The following C3 variants were observed in gnomAD, a reference collection of about 807,000 sequenced individuals.
C3 encodes complement C3.
A neutral mutation model predicts 207.9 loss-of-function variants in C3; 97 were observed. The ratio of observed to expected loss-of-function variants is 0.47; its 90% CI spans 0.40 to 0.55. The LOEUF (loss-of-function observed/expected upper bound fraction) is 0.55, where lower values mean the gene tolerates loss of function less well. Ranked by LOEUF, C3 falls within the 20% of genes least tolerant of loss-of-function variation. C3 has a pLI of 0.00. For missense variants in C3, 1,684 were observed against 2,171.7 expected, an observed-to-expected ratio of 0.78 and a Z score of 4.46; for synonymous variants, 848 against 857.6, an observed-to-expected ratio of 0.99 and a Z score of 0.20.
intron 26 of C3, among the ~76,000 whole-genome samples, chr19:6,691,074 G>A (rs405566): frequency 0.18 from 23,962 of 136,584 alleles, 2,437 homozygotes; most frequent in African/African-American, 0.31. Flanking sequence ...TTTTTTTTTG[G>A]GACAGTTTTG....
chr19:6,697,988 A>ATTT (rs1426142135), intron 19 of C3, among the ~76,000 whole-genome samples, 194 bp from the exon 20 acceptor site: 14 of 124,802 alleles, frequency 1.1e-4, no homozygotes, highest in East Asian at 4.5e-4. Context: ...AGTTACCATT[A>ATTT]TTTATTATTA....
At chr19:6,689,374 T>TCTCTCTCTCTCTCTCTCTCTCTCTCTCTC (rs1555684230) in intron 27 of C3, among the ~76,000 whole-genome samples, 6 of 116,382 alleles carry the variant, frequency 5.2e-5, no homozygotes, top group African/African-American at 2.5e-4. Context: ...TCTCTCTCTC[T>TCTCTCTCTCTCTCTCTCTCTCTCTCTCTC]CTCTCTCTCT....
chr19:6,720,177 C>T (rs920349423), intron 1 of C3, among the ~76,000 whole-genome samples: 7 of 152,074 alleles, frequency 4.6e-5, no homozygotes, highest in Non-Finnish European at 1.0e-4. Flanking sequence ...CACAAACACC[C>T]AACCCATAAA....
At chr19:6,685,684 G>A (rs906757723) in intron 29 of C3, among the ~76,000 whole-genome samples, 19 of 152,302 alleles carry the variant, frequency 1.2e-4, no homozygotes, top group African/African-American at 3.9e-4. Flanking sequence ...GAGGGTTTGC[G>A]TAATGCCCCA....
At position 6,686,112 on chromosome 19, in the gene C3, G is replaced by A. The variant is rs778864311; in HGVS notation, c.3810+12C>T. 3.1e-6 allele frequency: 5 copies of A among 1,613,718 alleles called. No individual in the cohort carries two copies. The highest frequency in any genetic ancestry group is 1.7e-6 in the Non-Finnish European group (2 of 1,179,824). ...AGGGATGCATGTGCCTAGGGGCTGT[G>A]GGCCCACTTGCCTGGGTAGAGCCAT... On this transcript the variant is annotated intron_variant, in intron 29 of 40. Transcript: ENST00000245907.
chr19:6,718,644 G>A (rs1193743907), intron 2 of C3, among the ~76,000 whole-genome samples: 1 of 151,414 alleles, frequency 6.6e-6, no homozygotes, highest in Non-Finnish European at 1.5e-5. Flanking sequence ...AGGAGGAGGG[G>A]CTCAGAAGGG....
At chr19:6,691,941 C>T (rs11569499) in intron 26 of C3, among the ~76,000 whole-genome samples, 15,925 of 151,046 alleles carry the variant, frequency 0.11, 1,016 homozygotes, top group Non-Finnish European at 0.13. Context: ...GAGCCAAGAT[C>T]GGGCCATTGC....
At chr19:6,684,730 G>A in intron 31 of C3, 45 bp downstream of exon 31, 1 of 1,595,158 alleles carries the variant, frequency 6.3e-7, no homozygotes, top group Non-Finnish European at 8.6e-7. Context: ...GTCCCTCTGG[G>A]GCAGAGGGGC....
At chr19:6,713,347 A>G (rs1967961399) in intron 8 of C3, 32 bp from the exon 9 acceptor site, 1 of 1,613,612 alleles carries the variant, frequency 6.2e-7, no homozygotes, top group South Asian at 1.1e-5. Flanking sequence ...CAGAGAGGGG[A>G]GCGGGCTCAG....
At chr19:6,689,662 A>G (rs1407134620) in intron 27 of C3, among the ~76,000 whole-genome samples, 5 of 152,098 alleles carry the variant, frequency 3.3e-5, no homozygotes, top group Non-Finnish European at 7.4e-5. Context: ...CCTGGCCAAC[A>G]TGGTGAAACC....
intron 19 of C3, among the ~76,000 whole-genome samples, chr19:6,698,358 C>T (rs539766632): frequency 5.3e-5 from 8 of 152,138 alleles, no homozygotes; most frequent in Admixed American, 5.2e-4. Flanking sequence ...TGTAGTTTGA[C>T]TCAGAGATCT....
intron 17 of C3, among the ~76,000 whole-genome samples, chr19:6,703,232 T>C (rs1471379984): frequency 6.6e-6 from 1 of 152,166 alleles, no homozygotes; most frequent in East Asian, 1.9e-4. Context: ...CTAAAAATTA[T>C]ATCCCACAAA....
At chr19:6,712,737 C>T (rs1445216077) in intron 9 of C3, 114 bp from the exon 10 acceptor site, 18 of 879,260 alleles carry the variant, frequency 2.0e-5, no homozygotes, top group South Asian at 1.6e-4. Flanking sequence ...GTAGAGTCCA[C>T]TTTCATACTG....
chr19:6,681,340 T>TA lies in C3; in HGVS notation c.4350+600dup, dbSNP rs71177112. Reference sequence around the variant, plus strand: ...AAGCCTGGGAGGTCAAGGCTGCAGTTAAAAAAAAAAAAAAAAAAAAGCTGG... The same window carrying TA: ...AAGCCTGGGAGGTCAAGGCTGCAGTTAAAAAAAAAAAAAAAAAAAAAGCTGG... On this transcript the variant is annotated intron_variant, in intron 35 of 40. Coordinates refer to ENST00000245907, the MANE Select transcript of C3 (RefSeq NM_000064.4). 7.4e-3 allele frequency among the ~76,000 whole-genome samples: 705 copies of TA among 95,092 alleles called. 11 individuals carry two copies. The highest frequency in any genetic ancestry group is 7.7e-3 in the African/African-American group (187 of 24,254). The allele number at this position is 95,092 out of a possible 152,430, so 62.4% of individuals were successfully genotyped here.
At chr19:6,712,809 C>G (rs186796344) in intron 9 of C3, among the ~76,000 whole-genome samples, 186 bp from the exon 10 acceptor site, 1 of 152,116 alleles carries the variant, frequency 6.6e-6, no homozygotes, top group East Asian at 1.9e-4. Flanking sequence ...CTCCATCAGA[C>G]TGGCACAGAC....
intron 12 of C3, 30 bp from the exon 13 acceptor site, chr19:6,710,875 G>A (rs1879845874): frequency 1.2e-6 from 2 of 1,609,602 alleles, no homozygotes; most frequent in African/African-American, 2.7e-5. Flanking sequence ...TCAGGCTGGG[G>A]AGGGTGAGTG....
chr19:6,679,506 G>A lies in C3; in HGVS notation c.4457-10C>T. 1 of 1,586,220 alleles carries A rather than the reference G, an allele frequency of 6.3e-7. No individual in the cohort carries two copies. Among genetic ancestry groups the A allele is most frequent in the Non-Finnish European group, 8.7e-7 (1 of 1,154,628 alleles). On this transcript the variant is annotated splice_polypyrimidine_tract_variant and intron_variant, in intron 36 of 40. Coordinates refer to ENST00000245907, the MANE Select transcript of C3 (RefSeq NM_000064.4). ...CGGGTACAGCTTTCCTCTGCGGGCAGATGTGATGTGAAGATGAGAGGATAA... is the reference window on the plus strand; with the variant it reads ...CGGGTACAGCTTTCCTCTGCGGGCAAATGTGATGTGAAGATGAGAGGATAA...
Position 6,696,485 on chromosome 19 carries a change from T to C in C3, c.2864-20A>G, listed in dbSNP as rs2287847. On this transcript the variant is annotated intron_variant, in intron 22 of 40. Coordinates refer to ENST00000245907, the MANE Select transcript of C3 (RefSeq NM_000064.4). ...CTCCTTCTGCAGGGTGAGTGAGAGA[T>C]ACCGATGGCTCTAGCTCCCTCCCGC... 0.77 allele frequency: 1,233,598 copies of C among 1,605,230 alleles called. 475,598 individuals are homozygous for C. Among genetic ancestry groups the C allele is most frequent in the East Asian group, 0.93 (41,516 of 44,766 alleles).
intron 26 of C3, 115 bp downstream of exon 26, chr19:6,692,809 T>A: frequency 7.6e-7 from 1 of 1,314,392 alleles, no homozygotes; most frequent in Non-Finnish European, 1.1e-6. Context: ...CCCAGCCCAA[T>A]CTTTGCAAAG....
Sources: gnomAD v4.1 joint callset for allele counts (sites outside exome capture counted in the v4.1 genomes callset) on GRCh38, gnomAD v4.1.1 for gene constraint, MANE v1.5 for transcripts, NCBI Gene and HGNC (gene_info 2026-07-23, HGNC 2026-07-21) for gene names.